Variants in MOK observed in about 807,000 individuals in gnomAD.
MOK encodes the protein MOK protein kinase, also known as MAPK/MAK/MRK overlapping kinase.
Under a neutral mutation model 54.2 loss-of-function variants are expected in MOK, and 59 were observed. The ratio of observed to expected loss-of-function variants is 1.09; its 90% CI spans 0.88 to 1.35. The LOEUF (loss-of-function observed/expected upper bound fraction) is 1.35. MOK is among the 40% of genes most tolerant of loss of function. The pLI is 0.00. For missense variants in MOK, 517 were observed against 526.2 expected, an observed-to-expected ratio of 0.98 and a Z score of 0.17; for synonymous variants, 210 against 202.7, an observed-to-expected ratio of 1.04 and a Z score of -0.31.
At chr14:102,302,786 A>G (rs1444159363) in intron 1 of MOK, among the ~76,000 whole-genome samples, 1 of 151,708 alleles carries the variant, frequency 6.6e-6, no homozygotes, top group Admixed American at 6.6e-5. Flanking sequence ...AGGGAGAAAT[A>G]CACATTTATA....
At position 102,236,360 on chromosome 14, in the gene MOK, C is replaced by T. The variant is rs905214022; in HGVS notation, c.591-2571G>A. 6.6e-6 allele frequency among the ~76,000 whole-genome samples: 1 copy of T among 152,186 alleles called. No individual in the cohort carries two copies. The highest frequency in any genetic ancestry group is 6.5e-5 in the Admixed American group (1 of 15,288). On this transcript the variant is annotated intron_variant, in intron 7 of 11. Transcript: ENST00000361847. This position sits in a 1 kb window ranked among gnomAD's most constrained non-coding sequence, Gnocchi z 4.5. ...CTCAGCTTTGCCTGAATTTTCAGGA[C>T]CCACTCATCCCTCTCAGGTCTCAGT...
intron 4 of MOK, among the ~76,000 whole-genome samples, chr14:102,256,892 C>A (rs577906941): frequency 6.6e-6 from 1 of 152,128 alleles, no homozygotes. Flanking sequence ...TAAGCACACG[C>A]GCCCAAATAC....
chr14:102,286,348 G>A (rs572662748), intron 1 of MOK, among the ~76,000 whole-genome samples: 5 of 146,612 alleles, frequency 3.4e-5, no homozygotes, highest in South Asian at 2.2e-4. Context: ...CCGGCCGGGC[G>A]CAGTGGCTCA....
chr14:102,279,858 AT>A (rs2069233482), intron 2 of MOK, among the ~76,000 whole-genome samples: 1 of 151,950 alleles, frequency 6.6e-6, no homozygotes, highest in Non-Finnish European at 1.5e-5. Flanking sequence ...ATTAACTAAG[AT>A]TACTGCAAAA....
rs1364301302 is a variant in MOK, at chr14:102,236,087, G to A, written c.591-2298C>T. On this transcript the variant is annotated intron_variant, in intron 7 of 11. Coordinates refer to ENST00000361847, the MANE Select transcript of MOK (RefSeq NM_014226.3). The surrounding 1 kb of genome is among the most constrained non-coding windows in gnomAD (Gnocchi z 4.5). The stretch of plus-strand genomic sequence containing the variant: ...AGAGTCCTTGTCCAGTGTGCCAGCA[G>A]ACAGGCCACTGGAAGTCCGACTGTC... Among the ~76,000 whole-genome samples the A allele has an allele frequency of 6.6e-6, 1 of 152,182 alleles. No homozygotes were observed. The highest frequency in any genetic ancestry group is 1.5e-5 in the Non-Finnish European group (1 of 68,026).
chr14:102,258,839 G>A (rs532620588), intron 4 of MOK, among the ~76,000 whole-genome samples: 2 of 152,274 alleles, frequency 1.3e-5, no homozygotes, highest in East Asian at 1.9e-4. Context: ...AGGCTGAGGC[G>A]GGCAGATCAC....
At chr14:102,292,156 T>C (rs1234539783) in intron 1 of MOK, among the ~76,000 whole-genome samples, 1 of 151,952 alleles carries the variant, frequency 6.6e-6, no homozygotes, top group Non-Finnish European at 1.5e-5. Flanking sequence ...ACATTTTTGT[T>C]TAGAAAATAT....
rs1436428555 is a variant in MOK, at chr14:102,288,025, G to A, written c.8-4433C>T. On this transcript the variant is annotated intron_variant, in intron 1 of 11. Coordinates refer to ENST00000361847, the MANE Select transcript of MOK (RefSeq NM_014226.3). ...AATTTTTTGTATTTTTAGTAGAGACGGGGTTTCACCTTGTTAGCCAGGATG... is the reference window on the plus strand; with the variant it reads ...AATTTTTTGTATTTTTAGTAGAGACAGGGTTTCACCTTGTTAGCCAGGATG... 2.7e-5 allele frequency among the ~76,000 whole-genome samples: 4 copies of A among 150,078 alleles called. 1 individual carries two copies. Among genetic ancestry groups the A allele is most frequent in the South Asian group, 2.1e-4 (1 of 4,750 alleles).
At chr14:102,225,262 T>A (rs555081940), downstream of MOK, 1 of 173,110 alleles carries the variant, frequency 5.8e-6, no homozygotes, top group South Asian at 1.4e-4. Flanking sequence ...GGTCTCCTTA[T>A]GTTGCCTAGG....
chr14:102,216,140 G>C, the MOK span, among the ~76,000 whole-genome samples: 1 of 152,194 alleles, frequency 6.6e-6, no homozygotes. Flanking sequence ...TGCTGTCTCT[G>C]GAGTGCGGGG....
At position 102,231,838 on chromosome 14, in the gene MOK, G is replaced by A; in HGVS notation, c.867-17C>T. On this transcript the variant is annotated splice_polypyrimidine_tract_variant and intron_variant, in intron 9 of 11. Transcript: ENST00000361847. The surrounding 1 kb of genome is among the most constrained non-coding windows in gnomAD (Gnocchi z 4.4). ...TCTGTTTTCCTACGGGGAAGGAGAA[G>A]AGAATGGAGCAGCTCCACTGAGAGC... 4.4e-6 allele frequency: 7 copies of A among 1,607,132 alleles called. No individual in the cohort carries two copies. The highest frequency in any genetic ancestry group is 3.6e-4 in the Middle Eastern group (2 of 5,618).
intron 7 of MOK, chr14:102,237,938 C>T (rs1425940846): frequency 6.6e-6 from 1 of 152,266 alleles, no homozygotes; most frequent in African/African-American, 2.4e-5. Flanking sequence ...TCCCTCCTTT[C>T]CGGATTCAAT....
intron 1 of MOK, among the ~76,000 whole-genome samples, chr14:102,290,510 A>C (rs1487657437): frequency 3.3e-5 from 5 of 152,156 alleles, no homozygotes; most frequent in Admixed American, 3.3e-4. Flanking sequence ...TGGGGAATGG[A>C]ACATTAACCA....
At chr14:102,271,364 GAT>G (rs2068343435) in intron 2 of MOK, among the ~76,000 whole-genome samples, 1 of 151,972 alleles carries the variant, frequency 6.6e-6, no homozygotes, top group Non-Finnish European at 1.5e-5. Flanking sequence ...CACTACGAAT[GAT>G]GTTATAATAA....
downstream of MOK, among the ~76,000 whole-genome samples, chr14:102,221,221 G>A (rs1312620656): frequency 6.6e-6 from 1 of 152,068 alleles, no homozygotes; most frequent in African/African-American, 2.4e-5. This position sits in a 1 kb window ranked among gnomAD's most constrained non-coding sequence, Gnocchi z 4.8. Flanking sequence ...GCCCCTCTCC[G>A]TCTGTCCCCA....
At position 102,235,174 on chromosome 14, in the gene MOK, A is replaced by ACCCCTT. The variant is rs2065109080; in HGVS notation, c.591-1386_591-1385insAAGGGG. On this transcript the variant is annotated intron_variant, in intron 7 of 11. Transcript: ENST00000361847. This position sits in a 1 kb window ranked among gnomAD's most constrained non-coding sequence, Gnocchi z 4.4. ...CATCTCCACCCCTTACTCGTTCTCG[A>ACCCCTT]GCCCAACACGCCCAGCAGCCTGCTC... The ACCCCTT allele has an allele frequency of 6.6e-6, 1 of 151,914 alleles. No homozygotes were observed. The highest frequency in any genetic ancestry group is 2.4e-5 in the African/African-American group (1 of 41,280). The allele number at this position is 151,914 out of a possible 1,614,324, so 9.4% of individuals were successfully genotyped here.
intron 2 of MOK, among the ~76,000 whole-genome samples, chr14:102,281,154 T>C (rs1188120779): frequency 6.6e-6 from 1 of 152,028 alleles, no homozygotes; most frequent in East Asian, 1.9e-4. Context: ...TGAAACCCCA[T>C]CTCTACTAAA....
At chr14:102,234,728 T>A (rs1290176465) in intron 7 of MOK, among the ~76,000 whole-genome samples, 1 of 152,170 alleles carries the variant, frequency 6.6e-6, no homozygotes, top group Middle Eastern at 3.2e-3. Flanking sequence ...TATCTTTTAC[T>A]GTAACACCAC....
chr14:102,253,671 C>T (rs562322480), intron 4 of MOK, among the ~76,000 whole-genome samples: 3 of 152,304 alleles, frequency 2.0e-5, no homozygotes, highest in South Asian at 2.1e-4. Flanking sequence ...AGCTTTCTAC[C>T]GTGCTTGAAG....
Sources: gnomAD v4.1 joint callset for allele counts (sites outside exome capture counted in the v4.1 genomes callset) on GRCh38, gnomAD v4.1.1 for gene constraint, Gnocchi (gnomAD v3.1) non-coding constraint, MANE v1.5 for transcripts, NCBI Gene and HGNC (gene_info 2026-07-23, HGNC 2026-07-21) for gene names.